OPCML: variants seen among roughly 807,000 people sequenced by gnomAD.
OPCML encodes the protein opioid-binding protein/cell adhesion molecule.
A neutral mutation model predicts 37.8 loss-of-function variants in OPCML; 13 were observed. That is an observed-to-expected ratio of 0.34 (90% CI 0.22 to 0.55). OPCML has a LOEUF of 0.55. Ranked by LOEUF, OPCML falls within the 20% of genes least tolerant of loss-of-function variation. The pLI, the probability that OPCML is intolerant of heterozygous loss-of-function variation, is 0.91. For synonymous variants in OPCML, 176 were observed against 168.8 expected, an observed-to-expected ratio of 1.04 and a Z score of -0.33; for missense variants, 341 against 435.6, an observed-to-expected ratio of 0.78 and a Z score of 1.93.
At chr11:133,236,890 G>A (rs541756221) in intron 1 of OPCML, among the ~76,000 whole-genome samples, 60 of 152,314 alleles carry the variant, frequency 3.9e-4, no homozygotes, top group Admixed American at 7.2e-4. Flanking sequence ...GGACATAGCA[G>A]TAGGGAGGAT....
At chr11:132,781,270 C>T (rs575145180) in intron 2 of OPCML, among the ~76,000 whole-genome samples, 2 of 152,206 alleles carry the variant, frequency 1.3e-5, no homozygotes, top group East Asian at 1.9e-4. Context: ...CCCTGCCCCT[C>T]ACCATGAGTG....
At chr11:132,754,928 G>T (rs1251810983) in intron 2 of OPCML, among the ~76,000 whole-genome samples, 3 of 152,162 alleles carry the variant, frequency 2.0e-5, no homozygotes, top group Non-Finnish European at 4.4e-5. Flanking sequence ...GCATGGGAGG[G>T]AAAGAAATCT....
At chr11:132,465,033 A>C in intron 4 of OPCML, among the ~76,000 whole-genome samples, 1 of 152,232 alleles carries the variant, frequency 6.6e-6, no homozygotes, top group East Asian at 1.9e-4. Context: ...TTATTTTTTA[A>C]CTTTTTCATG....
chr11:133,276,467 C>A (rs1300174316), intron 1 of OPCML, among the ~76,000 whole-genome samples: 1 of 152,074 alleles, frequency 6.6e-6, no homozygotes, highest in Non-Finnish European at 1.5e-5. Flanking sequence ...GCACACAATG[C>A]AGGAGGGAGC....
chr11:133,401,504 G>C (rs1202575456), intron 1 of OPCML, among the ~76,000 whole-genome samples: 1 of 151,982 alleles, frequency 6.6e-6, no homozygotes, highest in Non-Finnish European at 1.5e-5. Flanking sequence ...ATTTTTCCTA[G>C]AGCTGCAGTC....
chr11:133,190,267 C>T (rs1938247967), intron 1 of OPCML, among the ~76,000 whole-genome samples: 1 of 152,104 alleles, frequency 6.6e-6, no homozygotes, highest in African/African-American at 2.4e-5. Flanking sequence ...TCTTGCAAGG[C>T]AGTATGTGCA....
rs139314161 is a variant in OPCML, at chr11:133,281,374, G to A, written c.61+250890C>T. 3.5e-4 allele frequency among the ~76,000 whole-genome samples: 54 copies of A among 152,174 alleles called. No individual in the cohort carries two copies. The East Asian group carries it at 0.01, about 29-fold the overall frequency. On this transcript the variant is annotated intron_variant, in intron 1 of 7. Coordinates refer to ENST00000524381, the MANE Select transcript of OPCML (RefSeq NM_001012393.5). Reference sequence around the variant, plus strand: ...GTGAGATCTGGTTGTTTAAAAGAGTGTGGCATTCCCCCACATCTGTTGCTC... The same window carrying A: ...GTGAGATCTGGTTGTTTAAAAGAGTATGGCATTCCCCCACATCTGTTGCTC...
At chr11:133,391,943 G>C (rs1490668742) in intron 1 of OPCML, among the ~76,000 whole-genome samples, 2 of 151,992 alleles carry the variant, frequency 1.3e-5, no homozygotes, top group Non-Finnish European at 2.9e-5. Context: ...GATAGAAAAA[G>C]AAGCTAAGAG....
At chr11:133,219,577 C>T (rs1198827098) in intron 1 of OPCML, among the ~76,000 whole-genome samples, 3 of 152,186 alleles carry the variant, frequency 2.0e-5, no homozygotes, top group Non-Finnish European at 2.9e-5. Flanking sequence ...CCCTGGGTCC[C>T]ACTGTCAGGA....
chr11:132,881,155 C>T (rs765493223), intron 2 of OPCML, among the ~76,000 whole-genome samples: 3 of 152,196 alleles, frequency 2.0e-5, no homozygotes, highest in Non-Finnish European at 4.4e-5. Flanking sequence ...TTACTGGATC[C>T]ACTTAACAGG....
intron 1 of OPCML, among the ~76,000 whole-genome samples, chr11:133,375,077 G>A (rs1219030023): frequency 6.6e-6 from 1 of 152,150 alleles, no homozygotes. Context: ...CTCCTGCAAA[G>A]CACGTGCTCT....
chr11:132,891,739 A>G (rs1943656704), intron 2 of OPCML, among the ~76,000 whole-genome samples: 2 of 152,222 alleles, frequency 1.3e-5, no homozygotes, highest in African/African-American at 4.8e-5. Flanking sequence ...TATTTTGGAT[A>G]ATATCTTGTC....
At chr11:132,791,968 T>C (rs1195510483) in intron 2 of OPCML, among the ~76,000 whole-genome samples, 12 of 152,132 alleles carry the variant, frequency 7.9e-5, no homozygotes, top group African/African-American at 2.4e-5. Flanking sequence ...TTTTGTGAAA[T>C]AAAGGAACAA....
At chr11:132,896,771 G>C (rs553562161) in intron 2 of OPCML, among the ~76,000 whole-genome samples, 65 of 152,280 alleles carry the variant, frequency 4.3e-4, no homozygotes, top group African/African-American at 1.5e-3. Flanking sequence ...TGGACTTATG[G>C]GTAAGGCGTT....
intron 2 of OPCML, among the ~76,000 whole-genome samples, chr11:132,919,475 G>T (rs1397842796): frequency 1.3e-5 from 2 of 152,174 alleles, no homozygotes; most frequent in East Asian, 3.9e-4. Flanking sequence ...AGTGGAATTA[G>T]GTGGAATCTG....
intron 1 of OPCML, among the ~76,000 whole-genome samples, chr11:133,108,502 T>G (rs894248360): frequency 6.6e-6 from 1 of 152,124 alleles, no homozygotes; most frequent in Non-Finnish European, 1.5e-5. Flanking sequence ...TGAGCTCGGT[T>G]AGAATGTCGT....
rs142921644 is a variant in OPCML at position 133,100,947 on chromosome 11, C to T, written c.62-157937G>A. 7.2e-3 allele frequency among the ~76,000 whole-genome samples: 1,092 copies of T among 152,126 alleles called. 10 individuals carry two copies. Among genetic ancestry groups the T allele is most frequent in the African/African-American group, 0.018 (767 of 41,518 alleles). On this transcript the variant is annotated intron_variant, in intron 1 of 7. Coordinates refer to ENST00000524381, the MANE Select transcript of OPCML (RefSeq NM_001012393.5). ...TTATTTTTATTTATTTCTTTTTGAA[C>T]GGAGTCTTGCTCTGTCGCCCAGGCT... is the stretch of plus-strand genomic sequence containing the variant.
At chr11:132,566,373 T>A (rs2137536096) in intron 3 of OPCML, among the ~76,000 whole-genome samples, 1 of 152,308 alleles carries the variant, frequency 6.6e-6, no homozygotes, top group East Asian at 1.9e-4. Context: ...GGATACTTAC[T>A]TGTTGTCAGC....
intron 1 of OPCML, among the ~76,000 whole-genome samples, chr11:133,250,904 C>T (rs1190176130): frequency 6.6e-6 from 1 of 152,056 alleles, no homozygotes; most frequent in Non-Finnish European, 1.5e-5. Context: ...CCTCCCATTC[C>T]CCTTCACATT....
Sources: allele counts gnomAD v4.1 joint callset (sites outside exome capture counted in the v4.1 genomes callset), GRCh38; gene constraint gnomAD v4.1.1; transcripts MANE v1.5; gene names NCBI Gene and HGNC (gene_info 2026-07-23, HGNC 2026-07-21).